CCSER2: variants seen among roughly 807,000 people sequenced by gnomAD.
CCSER2 encodes coiled-coil serine rich protein 2, also known as serine-rich coiled-coil domain-containing protein 2.
In CCSER2, 46 loss-of-function variants were observed where a neutral mutation model predicts 92.3. That is an observed-to-expected ratio of 0.50 (90% CI 0.39 to 0.64). The LOEUF (loss-of-function observed/expected upper bound fraction) is 0.64, where lower values mean the gene tolerates loss of function less well. CCSER2 is among the 30% of genes least tolerant of loss of function. CCSER2 has a pLI of 0.00. For missense variants in CCSER2, 1,244 were observed against 1,238.9 expected (o/e 1.00, Z -0.06); for synonymous variants, 433 against 431.4 (o/e 1.00, Z -0.04).
At chr10:84,415,657 G>T (rs908262221) in intron 3 of CCSER2, among the ~76,000 whole-genome samples, 9 of 152,208 alleles carry the variant, frequency 5.9e-5, no homozygotes, top group Non-Finnish European at 1.3e-4. Context: ...CCTACTTAAA[G>T]AAGTAGTCTG....
At chr10:84,464,050 A>T (rs1312792978) in intron 7 of CCSER2, 34 bp downstream of exon 7, 4 of 1,128,244 alleles carry the variant, frequency 3.5e-6, no homozygotes, top group African/African-American at 1.6e-5. Flanking sequence ...ATTTTTCAAA[A>T]TTCTTTTTAA....
intron 6 of CCSER2, among the ~76,000 whole-genome samples, chr10:84,460,492 CATT>C (rs1357308509): frequency 6.6e-6 from 1 of 151,738 alleles, no homozygotes; most frequent in Non-Finnish European, 1.5e-5. Flanking sequence ...TTAATGGCCT[CATT>C]AATTGATTTT....
chr10:84,385,868 A>G (rs934878826), intron 3 of CCSER2, among the ~76,000 whole-genome samples: 1 of 152,148 alleles, frequency 6.6e-6, no homozygotes, highest in Admixed American at 6.5e-5. Context: ...TTCAGAATTT[A>G]CAAGGAACTC....
At chr10:84,418,148 C>T (rs915459455) in intron 4 of CCSER2, among the ~76,000 whole-genome samples, 1 of 152,096 alleles carries the variant, frequency 6.6e-6, no homozygotes, top group Admixed American at 6.5e-5. Flanking sequence ...CCAGTTTTTC[C>T]TCCCTTTATC....
intron 3 of CCSER2, among the ~76,000 whole-genome samples, chr10:84,403,205 T>G (rs978077916): frequency 3.3e-5 from 5 of 151,892 alleles, no homozygotes; most frequent in African/African-American, 1.2e-4. Context: ...GTTTAACAAA[T>G]AGTACTGAAA....
At chr10:84,450,846 A>T (rs1440902175) in intron 6 of CCSER2, among the ~76,000 whole-genome samples, 1 of 152,212 alleles carries the variant, frequency 6.6e-6, no homozygotes, top group Non-Finnish European at 1.5e-5. Context: ...ATGTGTTGCA[A>T]AGGGTAACAA....
intron 9 of CCSER2, among the ~76,000 whole-genome samples, chr10:84,495,847 G>A (rs1294898716): frequency 6.8e-6 from 1 of 147,890 alleles, no homozygotes; most frequent in African/African-American, 2.5e-5. Flanking sequence ...TACCTAACAT[G>A]AATTTCCTGT....
At chr10:84,366,239 C>G (rs891682798) in intron 1 of CCSER2, among the ~76,000 whole-genome samples, 1 of 152,076 alleles carries the variant, frequency 6.6e-6, no homozygotes, top group African/African-American at 2.4e-5. Context: ...CCACTGTGCC[C>G]GGCCTCGGAA....
chr10:84,353,605 C>G (rs561590155), intron 1 of CCSER2, among the ~76,000 whole-genome samples: 7 of 152,298 alleles, frequency 4.6e-5, no homozygotes, highest in Non-Finnish European at 1.0e-4. Context: ...TCAGGTTTAG[C>G]CAATCCTGAC....
chr10:84,341,726 C>T (rs1188571453), intron 1 of CCSER2, among the ~76,000 whole-genome samples: 3 of 152,248 alleles, frequency 2.0e-5, no homozygotes, highest in African/African-American at 7.2e-5. Context: ...TATGACCAGC[C>T]ATAAATTGGG....
chr10:84,401,587 C>G (rs1170719974), intron 3 of CCSER2, among the ~76,000 whole-genome samples: 1 of 152,076 alleles, frequency 6.6e-6, no homozygotes, highest in Non-Finnish European at 1.5e-5. Flanking sequence ...GTTTCACTGG[C>G]CAATTTTACC....
chr10:84,396,375 A>G (rs1379614811), intron 3 of CCSER2, among the ~76,000 whole-genome samples: 2 of 151,482 alleles, frequency 1.3e-5, no homozygotes, highest in Non-Finnish European at 2.9e-5. Flanking sequence ...AACTTACAAT[A>G]TTTGTTTAGC....
rs76884702 is a variant in CCSER2 at position 84,462,350 on chromosome 10, C to A, written c.2065-1583C>A. On this transcript the variant is annotated intron_variant, in intron 6 of 9. Coordinates refer to ENST00000372088, the MANE Select transcript of CCSER2 (RefSeq NM_001284240.2). ...TGCATTTAATGCAAAGCAGTATGTG[C>A]TTGTGTTGTCTCATATTCCTTGGGG... is the stretch of plus-strand genomic sequence containing the variant. Among the ~76,000 whole-genome samples the A allele has an allele frequency of 2.8e-3, 424 of 152,270 alleles. 2 individuals carry two copies. Among genetic ancestry groups the A allele is most frequent in the African/African-American group, 9.3e-3 (386 of 41,532 alleles).
At chr10:84,391,733 GC>G (rs1564623564) in intron 3 of CCSER2, 1 of 1,491,188 alleles carries the variant, frequency 6.7e-7, no homozygotes, top group Non-Finnish European at 9.3e-7. Context: ...TCAAGAGGTG[GC>G]CCCCATGCTA....
At chr10:84,465,840 T>G (rs1846389266) in intron 7 of CCSER2, among the ~76,000 whole-genome samples, 2 of 152,144 alleles carry the variant, frequency 1.3e-5, no homozygotes, top group African/African-American at 4.8e-5. Flanking sequence ...AAGCTCAGCC[T>G]CCTGGGTTCA....
intron 1 of CCSER2, among the ~76,000 whole-genome samples, chr10:84,331,252 G>A (rs1843547130): frequency 6.6e-6 from 1 of 152,088 alleles, no homozygotes; most frequent in Non-Finnish European, 1.5e-5. Context: ...TGAAATGAAG[G>A]AGCTGCCAGT....
chr10:84,396,872 T>C (rs547436083), intron 3 of CCSER2, among the ~76,000 whole-genome samples: 1 of 152,304 alleles, frequency 6.6e-6, no homozygotes, highest in East Asian at 1.9e-4. Context: ...CGCTGTATAC[T>C]ACTTATTTTG....
chr10:84,511,049 A>G (rs183986208), intron 9 of CCSER2, among the ~76,000 whole-genome samples: 2 of 152,346 alleles, frequency 1.3e-5, no homozygotes, highest in Admixed American at 6.5e-5. Flanking sequence ...ATAAAATTTT[A>G]TTTCGCATAT....
Position 84,371,505 on chromosome 10 carries a change from A to G in CCSER2, c.453A>G (p.Lys151=), listed in dbSNP as rs753888266. 6.2e-7 allele frequency: 1 copy of G among 1,613,826 alleles called. No individual in the cohort carries two copies. The highest frequency in any genetic ancestry group is 1.3e-5 in the African/African-American group (1 of 75,022). The change falls in exon 2 of 10, where the codon AAA becomes AAG. Residue 151 remains lysine (K), a synonymous_variant. Transcript: ENST00000372088. ...TTTCTGGACCATCTAATTTGGGTAA[A>G]TTCACCAAAGGCACATTATTAGGAA... is the stretch of plus-strand genomic sequence containing the variant. The part of the protein sequence containing the change: ...KSFSGPSNLG[K]FTKGTLLGRT...
Sources: gnomAD v4.1 joint callset for allele counts (sites outside exome capture counted in the v4.1 genomes callset) on GRCh38, gnomAD v4.1.1 for gene constraint, MANE v1.5 for transcripts, NCBI Gene and HGNC (gene_info 2026-07-23, HGNC 2026-07-21) for gene names.